Variants in UPF2 observed in about 807,000 individuals in gnomAD.
UPF2 encodes UPF2 regulator of nonsense mediated mRNA decay.
A neutral mutation model predicts 141.4 loss-of-function variants in UPF2; 17 were observed. That is an observed-to-expected ratio of 0.12 (90% CI 0.08 to 0.18). The LOEUF is 0.18. Among genes scored for constraint, UPF2 ranks in the 10% least tolerant of loss-of-function variants. The pLI, the probability that UPF2 is intolerant of heterozygous loss-of-function variation, is 1.00. For synonymous variants in UPF2, 540 were observed against 498.0 expected (o/e 1.08, Z -1.12); for missense variants, 1,152 against 1,515.9 (o/e 0.76, Z 3.99).
Position 11,921,453 on chromosome 10 carries a change from G to T in UPF2, c.3810-146C>A. On this transcript the variant is annotated intron_variant, in intron 21 of 21. Transcript: ENST00000357604. The surrounding 1 kb of genome is among the most constrained non-coding windows in gnomAD (Gnocchi z 5.9). ...GGCATCTGCGGGTTCCACATCCATG[G>T]ACCAAAAATATTCGGGGGAAAAAAA... 2.4e-6 allele frequency: 2 copies of T among 834,206 alleles called. No homozygotes were observed. Among genetic ancestry groups the T allele is most frequent in the Non-Finnish European group, 3.9e-6 (2 of 514,574 alleles). The allele number at this position is 834,206 out of a possible 1,614,324, so 51.7% of individuals were successfully genotyped here. A position where few individuals can be genotyped will look rare whatever the true frequency, so the allele number is the denominator to read the frequency against.
chr10:12,006,302 T>A (rs949091148), intron 4 of UPF2, among the ~76,000 whole-genome samples: 1 of 152,240 alleles, frequency 6.6e-6, no homozygotes, highest in Non-Finnish European at 1.5e-5. Flanking sequence ...ACACATGCAG[T>A]ACATACAACT....
chr10:11,935,301 A>G lies in UPF2; in HGVS notation c.3546+1244T>C, dbSNP rs11257434. Reference sequence around the variant, plus strand: ...CAGAATGAAAGCTCGCAAGAGAGGAAGGACTCTGGCTAACTGCCTCTATAT... The same window carrying G: ...CAGAATGAAAGCTCGCAAGAGAGGAGGGACTCTGGCTAACTGCCTCTATAT... On this transcript the variant is annotated intron_variant, in intron 19 of 21. Transcript: ENST00000357604. The surrounding 1 kb of genome is among the most constrained non-coding windows in gnomAD (Gnocchi z 4.9). Among the ~76,000 whole-genome samples the G allele has an allele frequency of 0.068, 10,391 of 152,218 alleles. 584 individuals carry two copies. The highest frequency in any genetic ancestry group is 0.25 in the East Asian group (1,279 of 5,172).
intron 12 of UPF2, among the ~76,000 whole-genome samples, chr10:11,958,070 C>T (rs1564344513): frequency 6.6e-6 from 1 of 152,148 alleles, no homozygotes; most frequent in East Asian, 1.9e-4. Context: ...ATGTTAGTGG[C>T]CAGGTGCAGT....
rs529006207 is a variant in UPF2, at chr10:11,984,517, G to T, written c.1845-5352C>A. Among the ~76,000 whole-genome samples the T allele has an allele frequency of 7.9e-5, 12 of 152,058 alleles. No individual in the cohort carries two copies. The South Asian group carries it at 2.5e-3, about 31-fold the overall frequency. On this transcript the variant is annotated intron_variant, in intron 8 of 21. Coordinates refer to ENST00000357604, the MANE Select transcript of UPF2 (RefSeq NM_015542.4). ...TTCAATGTATTTTTCAACAAAGTTT[G>T]TGATAAAACAGCATCAAATATTCTT...
In UPF2 at chr10:12,014,568, T is replaced by G. The variant is rs1463029593; in HGVS notation, c.1146-384A>C. Among the ~76,000 whole-genome samples the G allele has an allele frequency of 6.6e-6, 1 of 152,188 alleles. No individual in the cohort carries two copies. Among genetic ancestry groups the G allele is most frequent in the East Asian group, 1.9e-4 (1 of 5,208 alleles). On this transcript the variant is annotated intron_variant, in intron 3 of 21. Transcript: ENST00000357604. This position sits in a 1 kb window ranked among gnomAD's most constrained non-coding sequence, Gnocchi z 5.0. ...AGAAACAGGTTATACAAAGAATCAA[T>G]TATTCTTAAACCTCCATGATTTGAA... is the stretch of plus-strand genomic sequence containing the variant.
At chr10:11,932,400 G>A (rs1363066924) in intron 19 of UPF2, among the ~76,000 whole-genome samples, 1 of 151,926 alleles carries the variant, frequency 6.6e-6, no homozygotes, top group Non-Finnish European at 1.5e-5. Flanking sequence ...GATCAAAAAA[G>A]GTGAGAAATA....
intron 3 of UPF2, among the ~76,000 whole-genome samples, chr10:12,028,223 T>G (rs902315543): frequency 1.3e-5 from 2 of 152,164 alleles, no homozygotes; most frequent in Non-Finnish European, 2.9e-5. Flanking sequence ...TACAAATGAG[T>G]TTTGTAGTTG....
intron 3 of UPF2, among the ~76,000 whole-genome samples, chr10:12,025,985 G>T (rs1018325659): frequency 2.0e-5 from 3 of 152,078 alleles, no homozygotes; most frequent in Non-Finnish European, 4.4e-5. Context: ...GTAGCAATGG[G>T]GTTTCAGCAT....
In UPF2 at chr10:12,019,927, G is replaced by A. The variant is rs891494178; in HGVS notation, c.1146-5743C>T. Among the ~76,000 whole-genome samples the A allele has an allele frequency of 1.3e-5, 2 of 152,108 alleles. No homozygotes were observed. The highest frequency in any genetic ancestry group is 2.9e-5 in the Non-Finnish European group (2 of 68,028). ...TTTAGTAGAGACGGGGTTTTGCCAC[G>A]TTGGCCAGGCTGGCCTCAGGCTCCT... is the stretch of plus-strand genomic sequence containing the variant. On this transcript the variant is annotated intron_variant, in intron 3 of 21. Transcript: ENST00000357604. This position sits in a 1 kb window ranked among gnomAD's most constrained non-coding sequence, Gnocchi z 4.5.
chr10:11,979,058 T>C lies in UPF2; in HGVS notation c.1952A>G (p.His651Arg), dbSNP rs762383904. Reference sequence around the variant, plus strand: ...CAAAATAAATGCTTAAATACATACATGAAATCTGAAATCCCCCCTCAGCAT... The same window carrying C: ...CAAAATAAATGCTTAAATACATACACGAAATCTGAAATCCCCCCTCAGCAT... ...CSMLRGDFRFHVRKKDQINIE... is the reference protein window; with the variant it reads ...CSMLRGDFRFRVRKKDQINIE... The change falls in exon 9 of 22, where the codon CAT (histidine) becomes CGT (arginine). Residue 651 changes from histidine (H) to arginine (R), a missense_variant and splice_region_variant. Transcript: ENST00000357604. The surrounding 1 kb of genome is among the most constrained non-coding windows in gnomAD (Gnocchi z 6.2). The C allele has an allele frequency of 1.2e-6, 2 of 1,608,580 alleles. No individual in the cohort carries two copies. The highest frequency in any genetic ancestry group is 2.2e-5 in the South Asian group (2 of 90,790).
chr10:11,941,052 T>G (rs1832930323), intron 18 of UPF2, among the ~76,000 whole-genome samples: 1 of 152,192 alleles, frequency 6.6e-6, no homozygotes, highest in Admixed American at 6.5e-5. Flanking sequence ...AGCATTCTGC[T>G]CTTAGCATTT....
intron 16 of UPF2, among the ~76,000 whole-genome samples, chr10:11,943,884 G>A (rs988095306): frequency 6.6e-6 from 1 of 151,536 alleles, no homozygotes; most frequent in African/African-American, 2.4e-5. Context: ...AACAGAAGAT[G>A]GGGCAGAGCA....
chr10:12,028,344 T>A (rs971203256), intron 3 of UPF2, among the ~76,000 whole-genome samples: 1 of 152,110 alleles, frequency 6.6e-6, no homozygotes, highest in Non-Finnish European at 1.5e-5. Flanking sequence ...AACAGTGACA[T>A]AAAGAACTTA....
chr10:12,039,698 A>T (rs1158416451), intron 1 of UPF2, among the ~76,000 whole-genome samples: 1 of 146,670 alleles, frequency 6.8e-6, no homozygotes. Context: ...TCGGCTCACC[A>T]CAACCTCTGC....
chr10:12,039,617 T>A (rs1466675249), intron 1 of UPF2, among the ~76,000 whole-genome samples: 2 of 145,740 alleles, frequency 1.4e-5, no homozygotes, highest in African/African-American at 5.0e-5. Context: ...TGTCTCTCTC[T>A]CTCTCTTTTT....
intron 9 of UPF2, among the ~76,000 whole-genome samples, chr10:11,971,347 C>T (rs1833414585): frequency 6.6e-6 from 1 of 151,832 alleles, no homozygotes; most frequent in Non-Finnish European, 1.5e-5. Context: ...CTCCGCCTCC[C>T]GGGTTCAAGT....
At chr10:11,987,761 C>CA (rs572687103) in intron 8 of UPF2, among the ~76,000 whole-genome samples, 5,612 of 54,128 alleles carry the variant, frequency 0.1, 1,068 homozygotes, top group Admixed American at 0.12. Context: ...GACTCTGCCT[C>CA]AAAAAAAAAA....
chr10:12,037,599 TG>T (rs1334959601), intron 1 of UPF2, among the ~76,000 whole-genome samples: 1 of 151,526 alleles, frequency 6.6e-6, no homozygotes, highest in Non-Finnish European at 1.5e-5. Context: ...TTCACCATAT[TG>T]GCCAGGCTGC....
chr10:12,001,117 A>T (rs919188946), intron 6 of UPF2, among the ~76,000 whole-genome samples: 4 of 152,154 alleles, frequency 2.6e-5, no homozygotes, highest in Non-Finnish European at 1.5e-5. Context: ...AGAAAAGTAT[A>T]TTTTAAGATA....
Sources: allele counts gnomAD v4.1 joint callset (sites outside exome capture counted in the v4.1 genomes callset), GRCh38; gene constraint gnomAD v4.1.1; non-coding constraint Gnocchi (gnomAD v3.1); transcripts MANE v1.5; gene names NCBI Gene and HGNC (gene_info 2026-07-23, HGNC 2026-07-21).